The following NRG3 variants were observed in gnomAD, a reference collection of about 807,000 sequenced individuals.
The protein encoded by NRG3 is pro-neuregulin-3, membrane-bound isoform.
A neutral mutation model predicts 66.9 loss-of-function variants in NRG3; 31 were observed. The observed-to-expected ratio is 0.46, with a 90% CI of 0.35 to 0.63. The LOEUF is 0.63. Ranked by LOEUF, NRG3 falls within the 20% of genes least tolerant of loss-of-function variation. The pLI is 0.00. For missense variants in NRG3, 910 were observed against 878.9 expected (o/e 1.04, Z -0.45); for synonymous variants, 393 against 359.4 (o/e 1.09, Z -1.06).
chr10:82,101,231 C>G (rs1308456545), intron 1 of NRG3, among the ~76,000 whole-genome samples: 1 of 151,668 alleles, frequency 6.6e-6, no homozygotes, highest in Non-Finnish European at 1.5e-5. Context: ...GTCAATCTGT[C>G]TAGAGTTTCA....
intron 2 of NRG3, among the ~76,000 whole-genome samples, chr10:82,532,673 A>C (rs1048502118): frequency 6.7e-6 from 1 of 150,054 alleles, no homozygotes; most frequent in Non-Finnish European, 1.5e-5. Flanking sequence ...CATTTTTTTA[A>C]TCTATGAAAA....
chr10:82,479,984 A>G (rs750698089), intron 2 of NRG3, among the ~76,000 whole-genome samples: 1 of 152,150 alleles, frequency 6.6e-6, no homozygotes, highest in African/African-American at 2.4e-5. Flanking sequence ...AAAAACAAAA[A>G]CAAAAACAAA....
At chr10:82,657,904 GAAA>G (rs35129207) in intron 2 of NRG3, among the ~76,000 whole-genome samples, 14 of 144,964 alleles carry the variant, frequency 9.7e-5, no homozygotes, top group African/African-American at 3.5e-4. Flanking sequence ...CACATACACA[GAAA>G]AAAAAAAAAA....
intron 1 of NRG3, among the ~76,000 whole-genome samples, chr10:81,908,847 G>T (rs2132722879): frequency 6.6e-6 from 1 of 152,250 alleles, no homozygotes; most frequent in East Asian, 1.9e-4. Context: ...AGTTATCTGT[G>T]TTCTCTTTCC....
At chr10:81,889,979 G>A (rs964462438) in intron 1 of NRG3, among the ~76,000 whole-genome samples, 2 of 152,184 alleles carry the variant, frequency 1.3e-5, no homozygotes, top group Non-Finnish European at 2.9e-5. Flanking sequence ...GAGGCTCTGA[G>A]TAATTTATGA....
intron 1 of NRG3, among the ~76,000 whole-genome samples, chr10:82,240,874 C>T (rs955267942): frequency 2.0e-5 from 3 of 152,066 alleles, no homozygotes; most frequent in Non-Finnish European, 2.9e-5. Flanking sequence ...TTATTTTTGA[C>T]GTTATGACAT....
chr10:82,303,415 C>T (rs893772702), intron 1 of NRG3, among the ~76,000 whole-genome samples: 2 of 151,984 alleles, frequency 1.3e-5, no homozygotes, highest in African/African-American at 2.4e-5. Flanking sequence ...CATCTGAGGA[C>T]TCTATTATGA....
intron 2 of NRG3, among the ~76,000 whole-genome samples, chr10:82,380,250 A>G (rs2085523473): frequency 7.0e-6 from 1 of 142,498 alleles, no homozygotes; most frequent in Admixed American, 6.9e-5. Context: ...CTATTTTTCT[A>G]TAGACAAGCA....
Position 82,738,562 on chromosome 10 carries a change from A to T in NRG3, c.954-15A>T. 1.2e-6 allele frequency: 2 copies of T among 1,611,058 alleles called. No homozygotes were observed. Among genetic ancestry groups the T allele is most frequent in the South Asian group, 1.1e-5 (1 of 91,016 alleles). On this transcript the variant is annotated splice_polypyrimidine_tract_variant and intron_variant, in intron 2 of 8. Transcript: ENST00000372141. ...AACCACATGCGTATGTTTGTCATTT[A>T]TCCCCTTTTCTCAGGTGCAAAGAAG...
intron 4 of NRG3, among the ~76,000 whole-genome samples, chr10:82,893,902 G>A (rs1335257814): frequency 6.6e-6 from 1 of 151,828 alleles, no homozygotes; most frequent in Non-Finnish European, 1.5e-5. Context: ...AGAATAGAAG[G>A]AAAAAATGAA....
intron 1 of NRG3, among the ~76,000 whole-genome samples, chr10:82,048,190 C>G: frequency 1.3e-5 from 2 of 152,070 alleles, no homozygotes; most frequent in Admixed American, 1.3e-4. Flanking sequence ...GACAGATCAA[C>G]GAGACAGAAA....
At chr10:82,353,915 T>C (rs143288374) in intron 1 of NRG3, among the ~76,000 whole-genome samples, 370 of 152,216 alleles carry the variant, frequency 2.4e-3, no homozygotes, top group African/African-American at 8.4e-3. Context: ...TTAATGAAAT[T>C]CCATGCTCTT....
chr10:82,913,008 A>G (rs61858788), intron 4 of NRG3, among the ~76,000 whole-genome samples: 54,460 of 151,970 alleles, frequency 0.36, 10,184 homozygotes, highest in East Asian at 0.54. Context: ...GGTGGATCTC[A>G]AAGTCAGGAG....
intron 4 of NRG3, among the ~76,000 whole-genome samples, chr10:82,887,378 A>G (rs1015262284): frequency 2.0e-5 from 3 of 152,338 alleles, no homozygotes; most frequent in South Asian, 4.1e-4. Flanking sequence ...TAAACAAAAA[A>G]TATGGTTGAA....
intron 2 of NRG3, among the ~76,000 whole-genome samples, chr10:82,514,826 G>C (rs937065141): frequency 2.0e-5 from 3 of 152,066 alleles, no homozygotes; most frequent in Non-Finnish European, 4.4e-5. Flanking sequence ...ATTTTCACAA[G>C]GATATGGCAC....
chr10:82,933,873 A>G (rs1847819059), intron 4 of NRG3, among the ~76,000 whole-genome samples: 1 of 152,210 alleles, frequency 6.6e-6, no homozygotes, highest in Non-Finnish European at 1.5e-5. Context: ...GAGTGTATTA[A>G]CAGAAATTTT....
chr10:82,695,492 A>G (rs2055304849), intron 2 of NRG3, among the ~76,000 whole-genome samples: 1 of 152,120 alleles, frequency 6.6e-6, no homozygotes, highest in South Asian at 2.1e-4. Flanking sequence ...GGATACAGCT[A>G]TATGTGTGTG....
intron 1 of NRG3, among the ~76,000 whole-genome samples, chr10:82,214,073 C>T (rs975613937): frequency 6.6e-6 from 1 of 152,176 alleles, no homozygotes; most frequent in Non-Finnish European, 1.5e-5. Context: ...ACATTCTGTT[C>T]TGACAAAGTG....
intron 2 of NRG3, among the ~76,000 whole-genome samples, chr10:82,464,147 A>G (rs1417548898): frequency 6.6e-6 from 1 of 152,110 alleles, no homozygotes; most frequent in Non-Finnish European, 1.5e-5. Context: ...TGCCACTGCT[A>G]TTGAAGGTCA....
Sources: allele counts gnomAD v4.1 joint callset (sites outside exome capture counted in the v4.1 genomes callset), GRCh38; gene constraint gnomAD v4.1.1; transcripts MANE v1.5; gene names NCBI Gene and HGNC (gene_info 2026-07-23, HGNC 2026-07-21).